The following DLD variants were observed in gnomAD, a reference collection of about 807,000 sequenced individuals.
The protein encoded by DLD is dihydrolipoyl dehydrogenase, mitochondrial.
DLD carries 36 observed loss-of-function variants against 62.2 expected under a neutral mutation model. The ratio of observed to expected loss-of-function variants is 0.58; its 90% CI spans 0.44 to 0.76. The LOEUF (loss-of-function observed/expected upper bound fraction) is 0.76, where lower values mean the gene tolerates loss of function less well. DLD is among the 30% of genes least tolerant of loss of function. DLD has a pLI of 0.00. For synonymous variants in DLD, 204 were observed against 199.6 expected, an observed-to-expected ratio of 1.02 and a Z score of -0.19; for missense variants, 541 against 608.6, an observed-to-expected ratio of 0.89 and a Z score of 1.17.
intron 7 of DLD, 193 bp downstream of exon 7, chr7:107,905,697 G>A (rs1254608236): frequency 4.9e-6 from 3 of 611,258 alleles, no homozygotes; most frequent in Non-Finnish European, 8.6e-6. Flanking sequence ...TTTATATTAA[G>A]ATATGTTTGA....
At chr7:107,917,002 A>G (rs1162262441) in intron 10 of DLD, 38 bp downstream of exon 10, 1 of 1,600,614 alleles carries the variant, frequency 6.2e-7, no homozygotes, top group Non-Finnish European at 8.6e-7. Context: ...AGTAATTTTA[A>G]AATTGATTTC....
intron 2 of DLD, among the ~76,000 whole-genome samples, chr7:107,896,559 G>C (rs747232085): frequency 6.6e-6 from 1 of 152,142 alleles, no homozygotes; most frequent in Non-Finnish European, 1.5e-5. Context: ...GGGACCAGGA[G>C]GTTATGACTA....
chr7:107,904,503 T>C (rs2031955076), intron 5 of DLD, among the ~76,000 whole-genome samples: 1 of 152,222 alleles, frequency 6.6e-6, no homozygotes, highest in African/African-American at 2.4e-5. Context: ...AATGAGTGAT[T>C]AAAACCTAGG....
chr7:107,894,027 T>G (rs2031656331), intron 2 of DLD, among the ~76,000 whole-genome samples: 1 of 152,222 alleles, frequency 6.6e-6, no homozygotes, highest in East Asian at 1.9e-4. Flanking sequence ...AAAAGCATGT[T>G]TTAAAGATTA....
At chr7:107,902,290 T>C in intron 3 of DLD, 35 bp from the exon 4 acceptor site, 1 of 1,556,022 alleles carries the variant, frequency 6.4e-7, no homozygotes, top group Non-Finnish European at 8.9e-7. Flanking sequence ...ACATTGAGGT[T>C]ATGTGCAGTT....
chr7:107,894,308 C>A (rs1299811723), intron 2 of DLD, among the ~76,000 whole-genome samples: 1 of 152,206 alleles, frequency 6.6e-6, no homozygotes, highest in Non-Finnish European at 1.5e-5. Flanking sequence ...ATTATCTGGG[C>A]AAACTGTGAC....
At chr7:107,917,534 C>T in intron 11 of DLD, 72 bp downstream of exon 11, 2 of 1,363,632 alleles carry the variant, frequency 1.5e-6, no homozygotes, top group Non-Finnish European at 2.1e-6. Context: ...TGAGAAACAG[C>T]ATTTTATCAT....
chr7:107,905,477 A>C lies in DLD; in HGVS notation c.555A>C (p.Ser185=). 6.2e-7 allele frequency: 1 copy of C among 1,613,872 alleles called. No individual in the cohort carries two copies. The change falls in exon 7 of 14, where the codon TCA becomes TCC. Residue 185 remains serine, a synonymous_variant. Transcript: ENST00000205402. ...AGAACATTCTTATAGCCACGGGTTC[A>C]GAAGTTACTCCTTTTCCTGGAATCA... ...DTKNILIATG[S]EVTPFPGITI...
chr7:107,919,384 G>C lies in DLD; in HGVS notation c.*125G>C, dbSNP rs1165813772. The stretch of plus-strand genomic sequence containing the variant: ...GACTGAATTATGAAACTTTTGGAAG[G>C]TATTTAATAGGTTTGGACAAAATGG... On this transcript the variant is annotated 3_prime_UTR_variant, in exon 14 of 14. Transcript: ENST00000205402. The C allele has an allele frequency of 1.3e-6, 1 of 779,456 alleles. No homozygotes were observed. Among genetic ancestry groups the C allele is most frequent in the Non-Finnish European group, 2.1e-6 (1 of 476,836 alleles). 48.3% of individuals were successfully genotyped at this position (779,456 alleles called of 1,614,324 possible).
Position 107,917,396 on chromosome 7 carries a change from A to G in DLD, c.1170A>G (p.Pro390=). ...TGCACATTGACTACAATTGTGTGCC[A>G]TCAGTGATTTACACACACCCTGAAG... ...GAVHIDYNCV[P]SVIYTHPEVA... The change falls in exon 11 of 14, where the codon CCA becomes CCG. Residue 390 remains proline (P), a synonymous_variant. Transcript: ENST00000205402. 6.2e-7 allele frequency: 1 copy of G among 1,614,198 alleles called. No individual in the cohort carries two copies. The highest frequency in any genetic ancestry group is 1.1e-5 in the South Asian group (1 of 91,086).
At chr7:107,905,690 A>G (rs2031989632) in intron 7 of DLD, 186 bp downstream of exon 7, 2 of 622,910 alleles carry the variant, frequency 3.2e-6, no homozygotes, top group Non-Finnish European at 2.8e-6. Flanking sequence ...AGAACACTTT[A>G]TATTAAGATA....
At chr7:107,891,394 C>T in intron 1 of DLD, 105 bp downstream of exon 1, 1 of 1,314,410 alleles carries the variant, frequency 7.6e-7, no homozygotes, top group Non-Finnish European at 1.1e-6. Flanking sequence ...GAGGCGGGCG[C>T]CTGGGCCGCA....
intron 4 of DLD, among the ~76,000 whole-genome samples, chr7:107,903,102 T>G (rs769497210): frequency 7.9e-5 from 12 of 152,156 alleles, no homozygotes; most frequent in Non-Finnish European, 1.2e-4. Context: ...ATGAGAACAT[T>G]TGAAAGAGAA....
At chr7:107,910,063 G>A (rs1253706282) in intron 8 of DLD, among the ~76,000 whole-genome samples, 1 of 151,870 alleles carries the variant, frequency 6.6e-6, no homozygotes, top group Middle Eastern at 3.2e-3. Context: ...CACCATGTTG[G>A]CCAGGCTGGT....
At position 107,900,430 on chromosome 7, in the gene DLD, A is replaced by G. The variant is rs371144795; in HGVS notation, c.119-1308A>G. On this transcript the variant is annotated intron_variant, in intron 2 of 13. Coordinates refer to ENST00000205402, the MANE Select transcript of DLD (RefSeq NM_000108.5). ...CTATGCTAAATTATTTACATACATT[A>G]TTTTATTCTGTTATCACCCTATGAA... Among the ~76,000 whole-genome samples the G allele has an allele frequency of 9.9e-5, 15 of 152,248 alleles. No homozygotes were observed. The East Asian group carries it at 2.9e-3, about 29-fold the overall frequency.
At chr7:107,893,950 T>C (rs2031654980) in intron 2 of DLD, among the ~76,000 whole-genome samples, 1 of 152,240 alleles carries the variant, frequency 6.6e-6, no homozygotes, top group Non-Finnish European at 1.5e-5. Context: ...ATTGGTTATT[T>C]TAACACTGTT....
intron 8 of DLD, among the ~76,000 whole-genome samples, chr7:107,910,046 G>A (rs1461505103): frequency 6.6e-6 from 1 of 151,628 alleles, no homozygotes; most frequent in Non-Finnish European, 1.5e-5. Flanking sequence ...TAGTAGGGAC[G>A]GGGTTTCACC....
chr7:107,891,340 C>G (rs933368318), intron 1 of DLD, 51 bp downstream of exon 1: 2 of 1,605,650 alleles, frequency 1.2e-6, no homozygotes, highest in African/African-American at 1.3e-5. Flanking sequence ...CGGAAGGTCC[C>G]GCTCAGTGGG....
rs1216775705 is a variant in DLD, at chr7:107,919,828, A to T, written c.*569A>T. 6.5e-6 allele frequency: 1 copy of T among 153,510 alleles called. No individual in the cohort carries two copies. The highest frequency in any genetic ancestry group is 1.5e-5 in the Non-Finnish European group (1 of 68,934). The allele number at this position is 153,510 out of a possible 1,614,324, so 9.5% of individuals were successfully genotyped here. ...GTGTTGAAGAGGTTTTAAAGCTTCCATTGTTGTCTGCAACTCTGAAGGGTA... is the reference window on the plus strand; with the variant it reads ...GTGTTGAAGAGGTTTTAAAGCTTCCTTTGTTGTCTGCAACTCTGAAGGGTA... On this transcript the variant is annotated 3_prime_UTR_variant, in exon 14 of 14. Coordinates refer to ENST00000205402, the MANE Select transcript of DLD (RefSeq NM_000108.5).
Sources: allele counts gnomAD v4.1 joint callset (sites outside exome capture counted in the v4.1 genomes callset), GRCh38; gene constraint gnomAD v4.1.1; transcripts MANE v1.5; gene names NCBI Gene and HGNC (gene_info 2026-07-23, HGNC 2026-07-21).